Variants in MYOM1 observed in about 807,000 individuals in gnomAD.
MYOM1 encodes the protein myomesin 1.
In MYOM1, 164 loss-of-function variants were observed where a neutral mutation model predicts 205.3. The observed-to-expected ratio is 0.80, with a 90% CI of 0.70 to 0.91. The LOEUF is 0.91. Ranked by LOEUF, MYOM1 falls within the 40% of genes least tolerant of loss-of-function variation. MYOM1 has a pLI of 0.00. For missense variants in MYOM1, 2,011 were observed against 2,127.3 expected (o/e 0.95, Z 1.08); for synonymous variants, 772 against 789.4 (o/e 0.98, Z 0.37).
At position 3,173,947 on chromosome 18, in the gene MYOM1, G is replaced by T; in HGVS notation, c.1165C>A (p.Pro389Thr). The T allele has an allele frequency of 6.2e-7, 1 of 1,613,414 alleles. No homozygotes were observed. Reference protein sequence around the residue: ...TRFHAGASTMPLSFGVTPYGY... With the variant: ...TRFHAGASTMTLSFGVTPYGY... ...GTGTTTTTAAACTTACAGCTGAGGG[G>T]CATGGTGGAAGCCCCAGCGTGGAAG... is the stretch of plus-strand genomic sequence containing the variant. The change falls in exon 8 of 38, where the codon CCC (proline) becomes ACC (threonine). Residue 389 changes from proline to threonine, a missense_variant. Transcript: ENST00000356443.
At chr18:3,181,977 G>A (rs183877443) in intron 5 of MYOM1, among the ~76,000 whole-genome samples, 9 of 152,142 alleles carry the variant, frequency 5.9e-5, no homozygotes, top group Admixed American at 3.9e-4. Flanking sequence ...CAGGTAATCC[G>A]CCCGACTCGG....
At chr18:3,068,972 A>G (rs1222875130) in intron 37 of MYOM1, among the ~76,000 whole-genome samples, 2 of 151,988 alleles carry the variant, frequency 1.3e-5, no homozygotes, top group African/African-American at 4.8e-5. Context: ...ATGGGGTCTC[A>G]TTATGTTGAC....
intron 2 of MYOM1, among the ~76,000 whole-genome samples, chr18:3,212,368 G>T (rs889370489): frequency 6.6e-6 from 1 of 152,124 alleles, no homozygotes; most frequent in Admixed American, 6.5e-5. Context: ...GGCCAAAATG[G>T]ATAAGTCTTC....
chr18:3,153,740 G>A (rs866987513), intron 11 of MYOM1, among the ~76,000 whole-genome samples: 5 of 152,142 alleles, frequency 3.3e-5, no homozygotes, highest in African/African-American at 7.2e-5. Flanking sequence ...TATGTACTGC[G>A]AAGTTCAACA....
upstream of MYOM1, among the ~76,000 whole-genome samples, chr18:3,220,970 T>C (rs1037505625): frequency 2.6e-5 from 4 of 152,216 alleles, no homozygotes; most frequent in East Asian, 1.9e-4. Flanking sequence ...ACTGGCCTTA[T>C]GTTCTGACAG....
At chr18:3,076,954 C>T (rs1033119771) in intron 34 of MYOM1, among the ~76,000 whole-genome samples, 1 of 151,742 alleles carries the variant, frequency 6.6e-6, no homozygotes, top group Non-Finnish European at 1.5e-5. Flanking sequence ...CCTCGTGATC[C>T]ACCCGCTTTG....
chr18:3,191,166 A>G (rs958935366), intron 3 of MYOM1, among the ~76,000 whole-genome samples: 13 of 152,334 alleles, frequency 8.5e-5, no homozygotes, highest in African/African-American at 3.1e-4. Context: ...AAGTAAAAAT[A>G]AATTTAAAAT....
chr18:3,148,789 T>G (rs922561715), intron 13 of MYOM1, among the ~76,000 whole-genome samples: 1 of 126,966 alleles, frequency 7.9e-6, no homozygotes, highest in Non-Finnish European at 1.5e-5. Flanking sequence ...GAGCTTGTAG[T>G]GAGCCGAGAT....
chr18:3,196,773 C>CA (rs2080994070), intron 2 of MYOM1, among the ~76,000 whole-genome samples: 1 of 152,162 alleles, frequency 6.6e-6, no homozygotes, highest in African/African-American at 2.4e-5. Flanking sequence ...GGTAGCACCA[C>CA]AGGGAAGAGA....
the MYOM1 span, among the ~76,000 whole-genome samples, chr18:3,231,633 G>A: frequency 5.4e-5 from 8 of 148,942 alleles, no homozygotes; most frequent in African/African-American, 1.7e-4. Flanking sequence ...TCTGCCTCCC[G>A]GGTTCAAGCA....
In MYOM1 at chr18:3,188,930, T is replaced by C. The variant is rs898704342; in HGVS notation, c.589A>G (p.Thr197Ala). The change falls in exon 4 of 38, where the codon ACG becomes GCG. Residue 197 changes from threonine to alanine, a missense_variant. Physicochemically the swap from Thr to Ala is moderately conservative, Grantham distance 58 (BLOSUM62 0). Transcript: ENST00000356443. ...SKQTTASKQSTASKQSTASKQ... is the reference protein window; with the variant it reads ...SKQTTASKQSAASKQSTASKQ... ...GATGCTGTGGACTGCTTGGATGCCG[T>C]GGACTGCTTAGATGCCGTGGTCTGC... 1.9e-6 allele frequency: 3 copies of C among 1,611,382 alleles called. No homozygotes were observed. Among genetic ancestry groups the C allele is most frequent in the Non-Finnish European group, 2.5e-6 (3 of 1,178,942 alleles).
chr18:3,129,325 C>G lies in MYOM1; in HGVS notation c.2701G>C (p.Glu901Gln), dbSNP rs1303494615. ...GGGGTAAGCTCTTCCTGAACTGTTT[C>G]ACTTACTTTACTCACTTCTGTTTGG... The part of the protein sequence containing the change: ...LGQTEVSKVS[E>Q]TVQEELTPPP... The change falls in exon 18 of 38, where the codon GAA becomes CAA. Residue 901 changes from glutamate to glutamine, a missense_variant. Coordinates refer to ENST00000356443, the MANE Select transcript of MYOM1 (RefSeq NM_003803.4). 6.2e-7 allele frequency: 1 copy of G among 1,613,976 alleles called. No homozygotes were observed. Among genetic ancestry groups the G allele is most frequent in the Non-Finnish European group, 8.5e-7 (1 of 1,179,876 alleles).
chr18:3,112,318 A>G lies in MYOM1; in HGVS notation c.3398T>C (p.Val1133Ala), dbSNP rs1024486238. 5.6e-6 allele frequency: 9 copies of G among 1,613,172 alleles called. No homozygotes were observed. Among genetic ancestry groups the G allele is most frequent in the Non-Finnish European group, 7.6e-6 (9 of 1,179,272 alleles). The change falls in exon 22 of 38, where the codon GTT (valine) becomes GCT (alanine). Residue 1133 changes from valine to alanine, a missense_variant. Val to Ala is a moderately conservative substitution (Grantham distance 64, BLOSUM62 0). Coordinates refer to ENST00000356443, the MANE Select transcript of MYOM1 (RefSeq NM_003803.4). Reference protein sequence around the residue: ...VGKPSDLAGPVVAETRPGTKE... With the variant: ...VGKPSDLAGPAVAETRPGTKE... ...CCCACCTGGACGGGTCTCTGCCACA[A>G]CAGGGCCAGCAAGGTCAGATGGCTT...
rs1471544596 is a variant in MYOM1, at chr18:3,112,204, G to A, written c.3418+94C>T. On this transcript the variant is annotated intron_variant, in intron 22 of 37. Coordinates refer to ENST00000356443, the MANE Select transcript of MYOM1 (RefSeq NM_003803.4). ...TATATTCAGATAGCACACATTGATT[G>A]TTTTGAAAATTAGAGGAAAGCACAG... is the stretch of plus-strand genomic sequence containing the variant. The A allele has an allele frequency of 2.0e-5, 20 of 975,818 alleles. No homozygotes were observed. In the Middle Eastern group the frequency reaches 1.3e-3, roughly 64 times the overall value. The allele number at this position is 975,818 out of a possible 1,614,324, so 60.4% of individuals were successfully genotyped here. A position where few individuals can be genotyped will look rare whatever the true frequency, so the allele number is the denominator to read the frequency against.
intron 14 of MYOM1, among the ~76,000 whole-genome samples, chr18:3,140,233 CCT>C (rs1486248880): frequency 1.3e-5 from 2 of 151,754 alleles, no homozygotes; most frequent in Non-Finnish European, 2.9e-5. Flanking sequence ...ATGGTGAAAC[CCT>C]GTCTCTACTA....
chr18:3,168,107 T>C (rs114774061), intron 9 of MYOM1, among the ~76,000 whole-genome samples: 71 of 152,334 alleles, frequency 4.7e-4, no homozygotes, highest in African/African-American at 1.6e-3. Context: ...AAAAAGCCTT[T>C]AATACGTTAA....
rs1439621652 is a variant in MYOM1, at chr18:3,215,947, T to C, written c.-28-696A>G. ...AACAAATAATTAGCAGCACCTACTG[T>C]GTGCCTGACGCCATCCAGCCCATGA... On this transcript the variant is annotated intron_variant, in intron 1 of 37. Transcript: ENST00000356443. 2.0e-5 allele frequency among the ~76,000 whole-genome samples: 3 copies of C among 152,320 alleles called. No homozygotes were observed. In the East Asian group the frequency reaches 5.8e-4, roughly 29 times the overall value.
rs76037241 is a variant in MYOM1 at position 3,178,543 on chromosome 18, C to T, written c.930-2409G>A. Reference sequence around the variant, plus strand: ...AAGGAAGAATACTGGCTTCAGTCAGCTCCTTCCTTTCCCCAGCTCTCTCTC... The same window carrying T: ...AAGGAAGAATACTGGCTTCAGTCAGTTCCTTCCTTTCCCCAGCTCTCTCTC... On this transcript the variant is annotated intron_variant, in intron 5 of 37. Transcript: ENST00000356443. 8.8e-3 allele frequency among the ~76,000 whole-genome samples: 1,340 copies of T among 152,324 alleles called. 13 individuals are homozygous for T. The highest frequency in any genetic ancestry group is 0.013 in the Non-Finnish European group (878 of 68,032).
the MYOM1 span, among the ~76,000 whole-genome samples, chr18:3,227,077 A>G: frequency 2.0e-5 from 3 of 152,132 alleles, no homozygotes; most frequent in Non-Finnish European, 2.9e-5. Flanking sequence ...CCCAAAGCCC[A>G]TTTTCTAACA....
Sources: gnomAD v4.1 joint callset for allele counts (sites outside exome capture counted in the v4.1 genomes callset) on GRCh38, gnomAD v4.1.1 for gene constraint, MANE v1.5 for transcripts, NCBI Gene and HGNC (gene_info 2026-07-23, HGNC 2026-07-21) for gene names.